POU6F2: variants seen among roughly 807,000 people sequenced by gnomAD.
The protein encoded by POU6F2 is POU class 6 homeobox 2, also known as POU domain, class 6, transcription factor 2.
POU6F2 carries 31 observed loss-of-function variants against 71.3 expected under a neutral mutation model. The observed-to-expected ratio is 0.43, with a 90% CI of 0.33 to 0.59. The LOEUF (loss-of-function observed/expected upper bound fraction) is 0.59. POU6F2 is among the 20% of genes least tolerant of loss of function. The pLI, the probability that POU6F2 is intolerant of heterozygous loss-of-function variation, is 0.04. For synonymous variants in POU6F2, 347 were observed against 355.7 expected (o/e 0.98, Z 0.27); for missense variants, 783 against 856.8 (o/e 0.91, Z 1.07).
chr7:39,228,986 T>A (rs899847891), intron 4 of POU6F2, among the ~76,000 whole-genome samples: 6 of 152,172 alleles, frequency 3.9e-5, no homozygotes, highest in Non-Finnish European at 8.8e-5. Context: ...CCCCATTTTT[T>A]CCTCACCACA....
intron 5 of POU6F2, among the ~76,000 whole-genome samples, chr7:39,343,609 G>A (rs1043662283): frequency 1.6e-4 from 24 of 152,062 alleles, no homozygotes; most frequent in African/African-American, 5.6e-4. Flanking sequence ...ATTCCCTCTT[G>A]AGTGGTCTGG....
chr7:39,059,479 C>T (rs1235416872), intron 1 of POU6F2, among the ~76,000 whole-genome samples: 1 of 148,518 alleles, frequency 6.7e-6, no homozygotes, highest in African/African-American at 2.5e-5. Context: ...GATACCACTT[C>T]ATACCCACTA....
intron 2 of POU6F2, among the ~76,000 whole-genome samples, chr7:39,105,779 G>C (rs141517461): frequency 1.3e-5 from 2 of 152,176 alleles, no homozygotes; most frequent in African/African-American, 2.4e-5. Context: ...CATGAACTTA[G>C]TACTGAATTC....
At chr7:39,144,772 T>C (rs1436699260) in intron 2 of POU6F2, among the ~76,000 whole-genome samples, 2 of 152,232 alleles carry the variant, frequency 1.3e-5, no homozygotes, top group Non-Finnish European at 2.9e-5. Flanking sequence ...GTGTAATTAT[T>C]ATAGCAAATC....
chr7:39,257,752 C>T (rs923836807), intron 4 of POU6F2, among the ~76,000 whole-genome samples: 2 of 151,842 alleles, frequency 1.3e-5, no homozygotes, highest in African/African-American at 2.4e-5. Flanking sequence ...ACATCACATA[C>T]AGCATCACAA....
intron 4 of POU6F2, among the ~76,000 whole-genome samples, chr7:39,260,045 G>A (rs549842059): frequency 2.1e-5 from 3 of 146,118 alleles, no homozygotes; most frequent in African/African-American, 5.1e-5. Context: ...ACAATACCAC[G>A]TACACACTAC....
chr7:39,273,820 C>T (rs980353814), intron 4 of POU6F2, among the ~76,000 whole-genome samples: 1 of 151,662 alleles, frequency 6.6e-6, no homozygotes, highest in Admixed American at 6.6e-5. Flanking sequence ...AAAGGCACTG[C>T]CTTAGAGAAG....
At chr7:39,183,923 G>A (rs1793484227) in intron 2 of POU6F2, among the ~76,000 whole-genome samples, 1 of 152,098 alleles carries the variant, frequency 6.6e-6, no homozygotes, top group Non-Finnish European at 1.5e-5. Context: ...CCAAGCCAAA[G>A]TACAAACATT....
chr7:39,256,884 T>C (rs1784034991), intron 4 of POU6F2, among the ~76,000 whole-genome samples: 1 of 152,156 alleles, frequency 6.6e-6, no homozygotes, highest in Non-Finnish European at 1.5e-5. Flanking sequence ...CAGCCGACAC[T>C]TGATGTTAGC....
intron 1 of POU6F2, among the ~76,000 whole-genome samples, chr7:39,016,200 G>A (rs1266140056): frequency 7.4e-6 from 1 of 134,262 alleles, no homozygotes; most frequent in Non-Finnish European, 1.5e-5. Flanking sequence ...ATTATATATA[G>A]ATGTATATAA....
chr7:39,067,280 A>G (rs912602286), intron 1 of POU6F2, among the ~76,000 whole-genome samples: 1 of 151,452 alleles, frequency 6.6e-6, no homozygotes, highest in Non-Finnish European at 1.5e-5. Context: ...CCATATACCC[A>G]TTCAAATTCC....
At chr7:39,254,627 C>T (rs1783984525) in intron 4 of POU6F2, among the ~76,000 whole-genome samples, 1 of 152,170 alleles carries the variant, frequency 6.6e-6, no homozygotes, top group Non-Finnish European at 1.5e-5. Flanking sequence ...AACTGTAGGA[C>T]TCTGACTCTT....
chr7:39,439,282 A>C (rs1282562984), intron 7 of POU6F2, among the ~76,000 whole-genome samples: 1 of 152,000 alleles, frequency 6.6e-6, no homozygotes, highest in Non-Finnish European at 1.5e-5. Context: ...TCCTGAATAC[A>C]ACACACCGAT....
chr7:39,387,898 A>G (rs1055685708), intron 5 of POU6F2, among the ~76,000 whole-genome samples: 2 of 152,202 alleles, frequency 1.3e-5, no homozygotes, highest in African/African-American at 4.8e-5. Context: ...GGCCGCTCCT[A>G]GTTCATGGAG....
At chr7:39,291,924 G>A (rs578042153) in intron 4 of POU6F2, among the ~76,000 whole-genome samples, 2 of 150,244 alleles carry the variant, frequency 1.3e-5, no homozygotes, top group Admixed American at 1.3e-4. Context: ...ATTTGACTCT[G>A]TATTTTTACT....
chr7:39,156,776 A>G (rs1216902991), intron 2 of POU6F2, among the ~76,000 whole-genome samples: 1 of 152,136 alleles, frequency 6.6e-6, no homozygotes, highest in East Asian at 1.9e-4. Context: ...AGTGTTCCCA[A>G]CCCCTCATTC....
chr7:39,152,768 C>T (rs2128734713), intron 2 of POU6F2, among the ~76,000 whole-genome samples: 1 of 152,300 alleles, frequency 6.6e-6, no homozygotes, highest in South Asian at 2.1e-4. Flanking sequence ...CTGCAACATT[C>T]TGGGAAAGTA....
chr7:39,097,648 G>C (rs1791482018), intron 2 of POU6F2, among the ~76,000 whole-genome samples: 1 of 152,184 alleles, frequency 6.6e-6, no homozygotes, highest in African/African-American at 2.4e-5. Flanking sequence ...ACAGTGAATT[G>C]ATCCATTCAA....
chr7:39,190,417 TAAAAAAAAAAAAAA>T (rs57872350), intron 2 of POU6F2, among the ~76,000 whole-genome samples: 3 of 59,904 alleles, frequency 5.0e-5, no homozygotes, highest in Non-Finnish European at 8.2e-5. Flanking sequence ...CTCCTTTTCT[TAAAAAAAAAAAAAA>T]AAAAAAAAAA....
Sources: gnomAD v4.1 joint callset for allele counts (sites outside exome capture counted in the v4.1 genomes callset) on GRCh38, gnomAD v4.1.1 for gene constraint, MANE v1.5 for transcripts, NCBI Gene and HGNC (gene_info 2026-07-23, HGNC 2026-07-21) for gene names.